ARSG: variants seen among roughly 807,000 people sequenced by gnomAD.
The protein encoded by ARSG is ASG.
A neutral mutation model predicts 50.5 loss-of-function variants in ARSG; 37 were observed. The observed-to-expected ratio is 0.73, with a 90% confidence interval of 0.56 to 0.96. ARSG has a LOEUF of 0.96. Among genes scored for constraint, ARSG ranks in the 50% least tolerant of loss-of-function variants. The pLI is 0.00. For synonymous variants in ARSG, 225 were observed against 254.6 expected, an observed-to-expected ratio of 0.88 and a Z score of 1.11; for missense variants, 629 against 675.3, an observed-to-expected ratio of 0.93 and a Z score of 0.76.
chr17:68,357,634 A>G (rs2146505762), intron 6 of ARSG, among the ~76,000 whole-genome samples: 1 of 152,302 alleles, frequency 6.6e-6, no homozygotes, highest in Admixed American at 6.5e-5. Context: ...TCATTCTACC[A>G]GACAGAAGTT....
rs1350837292 is a variant in ARSG, at chr17:68,346,020, C to T, written c.407-1105C>T. Among the ~76,000 whole-genome samples, 6 of 152,020 alleles carry T rather than the reference C, an allele frequency of 3.9e-5. No individual in the cohort carries two copies. The East Asian group carries it at 5.8e-4, about 15-fold the overall frequency. On this transcript the variant is annotated intron_variant, in intron 3 of 11. Transcript: ENST00000621439. The stretch of plus-strand genomic sequence containing the variant: ...CCTCCCGAGTAGTTGGGATTACAGG[C>T]GTGCACCACCACACCCAGCTAATTT...
chr17:68,431,482 AGGGGGAC>A, the ARSG span, among the ~76,000 whole-genome samples: 2 of 152,008 alleles, frequency 1.3e-5, no homozygotes, highest in Non-Finnish European at 2.9e-5. Context: ...GGTCTGACTC[AGGGGGAC>A]GGGAGGAGCT....
the ARSG span, chr17:68,433,624 A>T: frequency 6.8e-7 from 1 of 1,480,526 alleles, no homozygotes; most frequent in Non-Finnish European, 9.4e-7. Flanking sequence ...AATGGGAGTT[A>T]TGGCCTTATA....
chr17:68,334,441 A>G lies in ARSG; in HGVS notation c.219-9163A>G, dbSNP rs145737070. Among the ~76,000 whole-genome samples the G allele has an allele frequency of 8.3e-4, 127 of 152,284 alleles. 2 individuals are homozygous for G. The highest frequency in any genetic ancestry group is 4.6e-3 in the South Asian group (22 of 4,830). ...TTCTTTGCTGTGCTGGAGACTTCAT[A>G]GTGAACCAAACCTTATCTTATGAGA... On this transcript the variant is annotated intron_variant, in intron 2 of 11. Coordinates refer to ENST00000621439, the MANE Select transcript of ARSG (RefSeq NM_001267727.2).
At chr17:68,420,147 C>T in intron 11 of ARSG, 42 bp from the exon 12 acceptor site, 1 of 1,604,742 alleles carries the variant, frequency 6.2e-7, no homozygotes, top group Non-Finnish European at 8.5e-7. Context: ...CACAGGGCAA[C>T]TGTCAGGGTT....
Position 68,343,600 on chromosome 17 carries a change from G to A in ARSG, c.219-4G>A, listed in dbSNP as rs2078370910. 1 of 1,603,548 alleles carries A rather than the reference G, an allele frequency of 6.2e-7. No individual in the cohort carries two copies. Reference sequence around the variant, plus strand: ...CGGTCCTGACCACTGTCCTTTCCCTGCAGGTTTGTGGATTTCCATGCAGCT... The same window carrying A: ...CGGTCCTGACCACTGTCCTTTCCCTACAGGTTTGTGGATTTCCATGCAGCT... On this transcript the variant is annotated splice_region_variant and splice_polypyrimidine_tract_variant and intron_variant, in intron 2 of 11. Coordinates refer to ENST00000621439, the MANE Select transcript of ARSG (RefSeq NM_001267727.2).
intron 11 of ARSG, among the ~76,000 whole-genome samples, chr17:68,408,640 A>G (rs1160316969): frequency 6.6e-6 from 1 of 152,190 alleles, no homozygotes; most frequent in Non-Finnish European, 1.5e-5. Context: ...GTATATACGC[A>G]GTAATGGGAT....
At chr17:68,438,937 C>T in the ARSG span, among the ~76,000 whole-genome samples, 13 of 152,094 alleles carry the variant, frequency 8.5e-5, no homozygotes, top group African/African-American at 1.2e-4. Flanking sequence ...GTTAAAAACA[C>T]GATGAGATAC....
At chr17:68,450,927 T>C in the ARSG span, 37 of 1,599,006 alleles carry the variant, frequency 2.3e-5, no homozygotes, top group Non-Finnish European at 2.9e-5. Context: ...GGAGGTTACA[T>C]GGATTGATCA....
At chr17:68,311,451 T>C (rs1555766689) in intron 2 of ARSG, among the ~76,000 whole-genome samples, 1 of 152,176 alleles carries the variant, frequency 6.6e-6, no homozygotes, top group Non-Finnish European at 1.5e-5. Flanking sequence ...CCTCCCTAAA[T>C]TCATGTCCAT....
intron 6 of ARSG, among the ~76,000 whole-genome samples, chr17:68,363,139 A>G (rs944546688): frequency 1.1e-4 from 17 of 152,314 alleles, no homozygotes; most frequent in African/African-American, 3.6e-4. Context: ...GAAAAGGGCT[A>G]TGGCAGGGAT....
intron 8 of ARSG, among the ~76,000 whole-genome samples, chr17:68,374,775 C>T (rs2080061578): frequency 6.6e-6 from 1 of 150,772 alleles, no homozygotes; most frequent in Non-Finnish European, 1.5e-5. Flanking sequence ...TCACTTGAAC[C>T]TGGGAGGTGG....
intron 3 of ARSG, 83 bp downstream of exon 3, chr17:68,343,874 C>T (rs1051260499): frequency 3.7e-5 from 50 of 1,362,542 alleles, no homozygotes; most frequent in Non-Finnish European, 5.0e-5. Flanking sequence ...TACTCCCTGT[C>T]TGCTTTCCTG....
the ARSG span, chr17:68,430,094 G>A: frequency 1.9e-6 from 3 of 1,614,034 alleles, no homozygotes; most frequent in East Asian, 4.5e-5. Flanking sequence ...GGGTAGGGAG[G>A]TAGTTGGTAG....
the ARSG span, among the ~76,000 whole-genome samples, chr17:68,442,474 A>AG: frequency 6.6e-6 from 1 of 151,792 alleles, no homozygotes; most frequent in East Asian, 1.9e-4. Flanking sequence ...CAAAAAAAAA[A>AG]AAAAAAAAAG....
At chr17:68,337,888 A>T (rs563801182) in intron 2 of ARSG, among the ~76,000 whole-genome samples, 1 of 152,152 alleles carries the variant, frequency 6.6e-6, no homozygotes, top group South Asian at 2.1e-4. Flanking sequence ...AAGTGCTGGG[A>T]TTACAGGTGT....
chr17:68,346,427 C>T (rs2078506445), intron 3 of ARSG, among the ~76,000 whole-genome samples: 4 of 152,160 alleles, frequency 2.6e-5, no homozygotes. Flanking sequence ...ATGCTGCCAG[C>T]GTCTCAATCT....
intron 1 of ARSG, among the ~76,000 whole-genome samples, chr17:68,264,529 T>C (rs2075122224): frequency 6.6e-6 from 1 of 152,132 alleles, no homozygotes; most frequent in African/African-American, 2.4e-5. Flanking sequence ...AACCTCCATC[T>C]CCTGGATTCA....
At chr17:68,402,518 TTTTTTG>T (rs902584606) in intron 11 of ARSG, among the ~76,000 whole-genome samples, 4 of 146,890 alleles carry the variant, frequency 2.7e-5, no homozygotes, top group Non-Finnish European at 6.0e-5. Flanking sequence ...CCTGTACTAG[TTTTTTG>T]TTTTTGTTTT....
Sources: gnomAD v4.1 joint callset for allele counts (sites outside exome capture counted in the v4.1 genomes callset) on GRCh38, gnomAD v4.1.1 for gene constraint, MANE v1.5 for transcripts, NCBI Gene and HGNC (gene_info 2026-07-23, HGNC 2026-07-21) for gene names.